Variants in ABLIM2 observed in about 807,000 individuals in gnomAD.
ABLIM2 encodes actin-binding LIM protein 2.
ABLIM2 carries 53 observed loss-of-function variants against 97.7 expected under a neutral mutation model. The observed-to-expected ratio is 0.54, with a 90% CI of 0.44 to 0.68. The LOEUF (loss-of-function observed/expected upper bound fraction) is 0.68, where lower values mean the gene tolerates loss of function less well. ABLIM2 is among the 30% of genes least tolerant of loss of function. The pLI, the probability that ABLIM2 is intolerant of heterozygous loss-of-function variation, is 0.00. For synonymous variants in ABLIM2, 361 were observed against 345.8 expected (o/e 1.04, Z -0.49); for missense variants, 835 against 867.2 (o/e 0.96, Z 0.47).
chr4:7,977,434 C>T (rs938594787), intron 20 of ABLIM2, among the ~76,000 whole-genome samples: 1 of 152,198 alleles, frequency 6.6e-6, no homozygotes, highest in African/African-American at 2.4e-5. Flanking sequence ...CATGCATGCA[C>T]ACAGGCACAC....
chr4:8,121,325 G>C (rs1047658196), intron 1 of ABLIM2, among the ~76,000 whole-genome samples: 1 of 152,224 alleles, frequency 6.6e-6, no homozygotes, highest in South Asian at 2.1e-4. Context: ...TGTGGGCTCC[G>C]GGCAGACGCC....
At chr4:7,973,370 A>G (rs1729844520) in intron 20 of ABLIM2, among the ~76,000 whole-genome samples, 1 of 151,074 alleles carries the variant, frequency 6.6e-6, no homozygotes, top group Non-Finnish European at 1.5e-5. Context: ...GCGTGGTGGT[A>G]CATGCCTGTA....
intron 16 of ABLIM2, 178 bp downstream of exon 16, chr4:8,007,881 C>T (rs1026368485): frequency 1.3e-5 from 18 of 1,407,938 alleles, no homozygotes; most frequent in African/African-American, 2.9e-5. Flanking sequence ...CTTGGGAAGC[C>T]GGCAAACTGC....
chr4:8,158,584 C>A, intron 1 of ABLIM2, 96 bp downstream of exon 1: 1 of 1,412,838 alleles, frequency 7.1e-7, no homozygotes, highest in East Asian at 2.9e-5. Flanking sequence ...GTGATTTTCC[C>A]CGGCGTTGCA....
At chr4:8,009,856 G>A (rs770502900) in intron 14 of ABLIM2, among the ~76,000 whole-genome samples, 32 of 152,260 alleles carry the variant, frequency 2.1e-4, no homozygotes, top group South Asian at 1.0e-3. Flanking sequence ...TTCACAGATC[G>A]GGAGACTGAG....
intron 3 of ABLIM2, among the ~76,000 whole-genome samples, chr4:8,094,623 G>A (rs772268168): frequency 9.2e-5 from 14 of 152,354 alleles, no homozygotes; most frequent in Middle Eastern, 6.8e-3. Context: ...TAGGTCAGGG[G>A]TCGATCTTTA....
rs1206637053 is a variant in ABLIM2, at chr4:8,043,990, T to C, written c.900+1174A>G. Among the ~76,000 whole-genome samples, 1 of 152,144 alleles carries C rather than the reference T, an allele frequency of 6.6e-6. No individual in the cohort carries two copies. The highest frequency in any genetic ancestry group is 1.5e-5 in the Non-Finnish European group (1 of 68,018). On this transcript the variant is annotated intron_variant, in intron 9 of 20. Coordinates refer to ENST00000447017, the MANE Select transcript of ABLIM2 (RefSeq NM_001130083.2). The surrounding 1 kb of genome is among the most constrained non-coding windows in gnomAD (Gnocchi z 4.8). Reference sequence around the variant, plus strand: ...AGAGTGCACATCCCAAGCGCCACAGTGCCACTCACTCTCCAGGCCAGCAGT... The same window carrying C: ...AGAGTGCACATCCCAAGCGCCACAGCGCCACTCACTCTCCAGGCCAGCAGT...
intron 1 of ABLIM2, among the ~76,000 whole-genome samples, chr4:8,153,940 GT>G (rs1714071632): frequency 6.8e-6 from 1 of 146,174 alleles, no homozygotes. Flanking sequence ...GTCCTGAGCT[GT>G]TTTCTAAATT....
chr4:7,980,373 A>G (rs1737047462), intron 20 of ABLIM2, among the ~76,000 whole-genome samples: 2 of 152,194 alleles, frequency 1.3e-5, no homozygotes, highest in Admixed American at 1.3e-4. Flanking sequence ...GCCCTGAAAG[A>G]AATACAAATA....
At chr4:8,030,757 G>T (rs980538831) in intron 10 of ABLIM2, among the ~76,000 whole-genome samples, 7 of 152,238 alleles carry the variant, frequency 4.6e-5, no homozygotes, top group African/African-American at 1.7e-4. Flanking sequence ...CACCTTACAG[G>T]TGTCCTGGCT....
At chr4:8,098,727 G>C (rs73075926) in intron 2 of ABLIM2, among the ~76,000 whole-genome samples, 6,398 of 152,206 alleles carry the variant, frequency 0.042, 423 homozygotes, top group African/African-American at 0.14. Flanking sequence ...GGGCCTCCTT[G>C]TCCTCATCTA....
chr4:8,116,155 C>T (rs1842678983), intron 1 of ABLIM2, among the ~76,000 whole-genome samples: 1 of 152,244 alleles, frequency 6.6e-6, no homozygotes, highest in African/African-American at 2.4e-5. Flanking sequence ...GCAGCCCCTC[C>T]CAACCCGTGA....
rs553192176 is a variant in ABLIM2, at chr4:8,043,450, G to C, written c.900+1714C>G. ...CTCCCCGAATTCCTGTGTTGGTAAA[G>C]TCCTAACCCTCAGGACCTCAGAATG... is the stretch of plus-strand genomic sequence containing the variant. On this transcript the variant is annotated intron_variant, in intron 9 of 20. Transcript: ENST00000447017. This position sits in a 1 kb window ranked among gnomAD's most constrained non-coding sequence, Gnocchi z 4.8. 4.6e-5 allele frequency among the ~76,000 whole-genome samples: 7 copies of C among 152,274 alleles called. No homozygotes were observed. The highest frequency in any genetic ancestry group is 1.3e-4 in the Admixed American group (2 of 15,304).
At chr4:8,013,219 CTTT>C (rs60424207) in intron 14 of ABLIM2, among the ~76,000 whole-genome samples, 2,675 of 110,466 alleles carry the variant, frequency 0.024, 13 homozygotes, top group Non-Finnish European at 0.031. Flanking sequence ...AACATTTTTC[CTTT>C]TTTTTTTTTT....
intron 5 of ABLIM2, among the ~76,000 whole-genome samples, chr4:8,080,144 G>A (rs7676911): frequency 0.084 from 12,854 of 152,208 alleles, 969 homozygotes; most frequent in African/African-American, 0.2. Flanking sequence ...CACATTTGTG[G>A]GACATGTTTG....
rs1824596432 is a variant in ABLIM2, at chr4:8,087,675, A to G, written c.454+494T>C. On this transcript the variant is annotated intron_variant, in intron 4 of 20. Transcript: ENST00000447017. This position sits in a 1 kb window ranked among gnomAD's most constrained non-coding sequence, Gnocchi z 4.6. ...TAGAGCTGGGCAAAAGCAGCAGTGG[A>G]CATTAGATGGGAAAGCAGCAGTGGG... Among the ~76,000 whole-genome samples, 1 of 152,118 alleles carries G rather than the reference A, an allele frequency of 6.6e-6. No individual in the cohort carries two copies. Among genetic ancestry groups the G allele is most frequent in the Non-Finnish European group, 1.5e-5 (1 of 67,996 alleles).
At chr4:8,050,666 G>GCTTGCACCTGACGGAA (rs1264039071) in intron 8 of ABLIM2, among the ~76,000 whole-genome samples, 1 of 152,184 alleles carries the variant, frequency 6.6e-6, no homozygotes, top group Non-Finnish European at 1.5e-5. Flanking sequence ...TCCTTAACTG[G>GCTTGCACCTGACGGAA]CTTGCACCTG....
At chr4:8,142,146 C>A (rs1030611842) in intron 1 of ABLIM2, among the ~76,000 whole-genome samples, 7 of 152,222 alleles carry the variant, frequency 4.6e-5, no homozygotes, top group African/African-American at 1.7e-4. Context: ...GCATAACTAA[C>A]CCTCTTTCCT....
In ABLIM2 at chr4:8,029,756, G is replaced by C; in HGVS notation, c.1068C>G (p.Ser356=). 1 of 1,567,972 alleles carries C rather than the reference G, an allele frequency of 6.4e-7. No individual in the cohort carries two copies. The highest frequency in any genetic ancestry group is 8.6e-7 in the Non-Finnish European group (1 of 1,156,718). ...GGCTGGAGGTCCGACACTGCTTGTAGGACCGGTCATCCTGATCCCCCTGGG... is the reference window on the plus strand; with the variant it reads ...GGCTGGAGGTCCGACACTGCTTGTACGACCGGTCATCCTGATCCCCCTGGG... ...SYGEGDQDDR[S]YKQCRTSSPS... The change falls in exon 11 of 21, where the codon TCC becomes TCG. Residue 356 remains serine (S), a synonymous_variant. Transcript: ENST00000447017.
Sources: allele counts gnomAD v4.1 joint callset (sites outside exome capture counted in the v4.1 genomes callset), GRCh38; gene constraint gnomAD v4.1.1; non-coding constraint Gnocchi (gnomAD v3.1); transcripts MANE v1.5; gene names NCBI Gene and HGNC (gene_info 2026-07-23, HGNC 2026-07-21).